Variants in CD226 observed in about 807,000 individuals in gnomAD.
CD226 encodes the protein CD226 antigen.
A neutral mutation model predicts 34.9 loss-of-function variants in CD226; 24 were observed. The observed-to-expected ratio is 0.69, with a 90% confidence interval of 0.50 to 0.97. The LOEUF (loss-of-function observed/expected upper bound fraction) is 0.97. Among genes scored for constraint, CD226 ranks in the 50% least tolerant of loss-of-function variants. The pLI, the probability that CD226 is intolerant of heterozygous loss-of-function variation, is 0.00. For missense variants in CD226, 397 were observed against 412.7 expected (o/e 0.96, Z 0.33); for synonymous variants, 148 against 147.4 (o/e 1.00, Z -0.03).
At chr18:69,867,284 C>G in intron 5 of CD226, 73 bp downstream of exon 5, 1 of 946,102 alleles carries the variant, frequency 1.1e-6, no homozygotes, top group Non-Finnish European at 1.7e-6. Context: ...TATAAGATTG[C>G]TAACTGCAAA....
At chr18:69,869,799 CTTTTTTTT>C (rs1002754140) in intron 4 of CD226, among the ~76,000 whole-genome samples, 1 of 121,694 alleles carries the variant, frequency 8.2e-6, no homozygotes, top group East Asian at 2.4e-4. Context: ...TCTTTTTTTT[CTTTTTTTT>C]TTTTTTTTTT....
At chr18:69,900,670 T>G (rs529854969) in intron 2 of CD226, among the ~76,000 whole-genome samples, 28 of 145,274 alleles carry the variant, frequency 1.9e-4, no homozygotes, top group African/African-American at 6.2e-4. Flanking sequence ...AGGCGGAGCT[T>G]GCAGTGAGCC....
chr18:69,950,944 G>A (rs1313615548), upstream of CD226, among the ~76,000 whole-genome samples: 1 of 150,776 alleles, frequency 6.6e-6, no homozygotes, highest in Non-Finnish European at 1.5e-5. Flanking sequence ...ATGACAAATA[G>A]AAGCTATTGT....
chr18:69,896,181 C>CTTTT lies in CD226; in HGVS notation c.383-140_383-137dup, dbSNP rs33943534. The CTTTT allele has an allele frequency of 4.2e-3, 5,017 of 1,202,328 alleles. 34 individuals are homozygous for CTTTT. The East Asian group carries it at 0.065, about 15-fold the overall frequency. The allele number at this position is 1,202,328 out of a possible 1,614,324, so 74.5% of individuals were successfully genotyped here. The stretch of plus-strand genomic sequence containing the variant: ...CGTTGTGAATGACCTCTTTATACTA[C>CTTTT]TTTTTTTTTTTTTTTCCTGAGACGG... On this transcript the variant is annotated intron_variant, in intron 2 of 5. Coordinates refer to ENST00000582621, the MANE Select transcript of CD226 (RefSeq NM_001303618.2).
chr18:69,857,099 A>G lies in CD226; in HGVS notation c.*7215T>C, dbSNP rs553849173. ...CAGGAGAATGGCGTGAACCTGGAAG[A>G]CGCAGCTTGCGGTGAGCCGAGGTCG... is the stretch of plus-strand genomic sequence containing the variant. On this transcript the variant is annotated 3_prime_UTR_variant, in exon 6 of 6. Transcript: ENST00000582621. The G allele has an allele frequency of 1.3e-5, 2 of 152,404 alleles. No homozygotes were observed. The highest frequency in any genetic ancestry group is 2.1e-4 in the South Asian group (1 of 4,828). The allele number at this position is 152,404 out of a possible 1,614,324, so 9.4% of individuals were successfully genotyped here.
At chr18:69,927,389 A>AAACACAC (rs1568197339) in intron 2 of CD226, among the ~76,000 whole-genome samples, 1 of 65,798 alleles carries the variant, frequency 1.5e-5, no homozygotes, top group Non-Finnish European at 3.8e-5. Context: ...CACACACACA[A>AAACACAC]ACACACACAC....
chr18:69,885,932 C>T (rs1254860625), intron 3 of CD226, among the ~76,000 whole-genome samples: 1 of 146,200 alleles, frequency 6.8e-6, no homozygotes, highest in Non-Finnish European at 1.5e-5. Context: ...CACCCCCGCT[C>T]CCCGACTCCT....
intron 2 of CD226, among the ~76,000 whole-genome samples, chr18:69,946,023 A>G (rs1216760870): frequency 2.0e-5 from 3 of 151,774 alleles, no homozygotes; most frequent in Non-Finnish European, 4.4e-5. Flanking sequence ...CCCACAACAC[A>G]TGGGAATTCA....
At chr18:69,888,911 A>AT (rs1363292663) in intron 3 of CD226, among the ~76,000 whole-genome samples, 1 of 152,204 alleles carries the variant, frequency 6.6e-6, no homozygotes, top group African/African-American at 2.4e-5. Flanking sequence ...TTACTTATCT[A>AT]TACAATAATA....
At chr18:69,933,665 A>G (rs1450293662) in intron 2 of CD226, among the ~76,000 whole-genome samples, 2 of 152,220 alleles carry the variant, frequency 1.3e-5, no homozygotes, top group African/African-American at 4.8e-5. Context: ...ATTTACAGGG[A>G]TTTTTTAATT....
At chr18:69,914,337 T>C (rs1366697947) in intron 2 of CD226, among the ~76,000 whole-genome samples, 5 of 152,232 alleles carry the variant, frequency 3.3e-5, no homozygotes, top group Non-Finnish European at 5.9e-5. Context: ...TTGGTTCAAG[T>C]TGATTAGCAC....
chr18:69,854,396 G>A lies in CD226; in HGVS notation c.*9918C>T, dbSNP rs1258384001. 1.3e-5 allele frequency: 2 copies of A among 152,232 alleles called. No homozygotes were observed. Among genetic ancestry groups the A allele is most frequent in the African/African-American group, 4.8e-5 (2 of 41,454 alleles). 9.4% of individuals were successfully genotyped at this position (152,232 alleles called of 1,614,324 possible). On this transcript the variant is annotated 3_prime_UTR_variant, in exon 6 of 6. Transcript: ENST00000582621. ...ACTGGTGTGAGCAAGAAACCCATGG[G>A]GGCTGTGCTCTTGAGGCACTCCACA...
intron 3 of CD226, among the ~76,000 whole-genome samples, chr18:69,874,941 T>C (rs1040830864): frequency 3.3e-5 from 5 of 152,180 alleles, no homozygotes; most frequent in Admixed American, 6.5e-5. Context: ...TAGTACTACA[T>C]TGTGTCTATG....
At position 69,864,123 on chromosome 18, in the gene CD226, G is replaced by C; in HGVS notation, c.*191C>G. On this transcript the variant is annotated 3_prime_UTR_variant, in exon 6 of 6. Coordinates refer to ENST00000582621, the MANE Select transcript of CD226 (RefSeq NM_001303618.2). ...TAAGTTTTCTTTTGTATATAAACCA[G>C]TTAGAGTCAGGTTTTCTGAAACAGT... 1 of 566,816 alleles carries C rather than the reference G, an allele frequency of 1.8e-6. No individual in the cohort carries two copies. The highest frequency in any genetic ancestry group is 3.1e-6 in the Non-Finnish European group (1 of 321,798). The allele number at this position is 566,816 out of a possible 1,614,324, so 35.1% of individuals were successfully genotyped here.
intron 2 of CD226, among the ~76,000 whole-genome samples, chr18:69,913,839 G>A (rs2055355079): frequency 6.6e-6 from 1 of 152,300 alleles, no homozygotes; most frequent in Admixed American, 6.5e-5. Context: ...GGCTTCAGAT[G>A]TGCTAAAAGA....
At chr18:69,908,900 C>T (rs187941423) in intron 2 of CD226, among the ~76,000 whole-genome samples, 64 of 152,304 alleles carry the variant, frequency 4.2e-4, no homozygotes, top group African/African-American at 1.5e-3. Flanking sequence ...ATAATCCTTC[C>T]ACTTCATTCC....
intron 2 of CD226, among the ~76,000 whole-genome samples, chr18:69,943,300 C>T (rs2055748904): frequency 6.6e-6 from 1 of 152,134 alleles, no homozygotes; most frequent in Non-Finnish European, 1.5e-5. Context: ...CTAATAAAGC[C>T]AGAGACACGT....
intron 3 of CD226, among the ~76,000 whole-genome samples, chr18:69,876,819 C>T (rs1224198364): frequency 1.3e-5 from 2 of 151,688 alleles, no homozygotes; most frequent in East Asian, 1.9e-4. Context: ...CTAACCCTGC[C>T]CTTCAGACAC....
intron 3 of CD226, among the ~76,000 whole-genome samples, chr18:69,875,571 T>A (rs1022171021): frequency 3.9e-5 from 6 of 152,252 alleles, no homozygotes; most frequent in Non-Finnish European, 8.8e-5. Context: ...GCCTTTTTGA[T>A]AACAGCCATT....
Sources: gnomAD v4.1 joint callset for allele counts (sites outside exome capture counted in the v4.1 genomes callset) on GRCh38, gnomAD v4.1.1 for gene constraint, MANE v1.5 for transcripts, NCBI Gene and HGNC (gene_info 2026-07-23, HGNC 2026-07-21) for gene names.